Variants in PEX11G observed in about 807,000 individuals in gnomAD.
PEX11G encodes the protein peroxisomal membrane protein 11C.
Under a neutral mutation model 22.5 loss-of-function variants are expected in PEX11G, and 20 were observed. The ratio of observed to expected loss-of-function variants is 0.89; its 90% CI spans 0.62 to 1.29. The LOEUF (loss-of-function observed/expected upper bound fraction) is 1.29, where lower values mean the gene tolerates loss of function less well. PEX11G is among the 50% of genes most tolerant of loss of function. The probability of loss-of-function intolerance (pLI) is 0.00; values close to 1 mark genes in which losing one functional copy is unlikely to be tolerated. For synonymous variants in PEX11G, 141 were observed against 154.5 expected (o/e 0.91, Z 0.65); for missense variants, 347 against 331.3 (o/e 1.05, Z -0.37).
intron 2 of PEX11G, among the ~76,000 whole-genome samples, chr19:7,484,007 C>T (rs561999702): frequency 6.6e-6 from 1 of 152,284 alleles, no homozygotes; most frequent in African/African-American, 2.4e-5. Flanking sequence ...AAATCCGAAG[C>T]TGCATAGCAG....
upstream of PEX11G, among the ~76,000 whole-genome samples, chr19:7,490,235 TTATATAAGC>T (rs202075729): frequency 0.013 from 1,915 of 152,170 alleles, 36 homozygotes; most frequent in African/African-American, 0.043. Context: ...TAAGCAGGAG[TTATATAAGC>T]TATATAAGCC....
At position 7,488,948 on chromosome 19, in the gene PEX11G, C is replaced by T; in HGVS notation, c.60+3G>A. ...CTCCGGCCCCGGTCCGCCCCTGCCT[C>T]ACCAGGCGGTCCCGGCCCCTGTACG... On this transcript the variant is annotated splice_donor_region_variant and intron_variant, in intron 1 of 4. Coordinates refer to ENST00000221480, the MANE Select transcript of PEX11G (RefSeq NM_080662.4). 8 of 1,552,166 alleles carry T rather than the reference C, an allele frequency of 5.2e-6. No homozygotes were observed. The highest frequency in any genetic ancestry group is 5.2e-6 in the Non-Finnish European group (6 of 1,149,358).
chr19:7,491,026 C>T (rs1036636916), upstream of PEX11G: 3 of 151,786 alleles, frequency 2.0e-5, no homozygotes, highest in African/African-American at 7.3e-5. Context: ...AAGCAATCTT[C>T]CCACGTCGAC....
At chr19:7,491,968 G>T (rs780073550), upstream of PEX11G, among the ~76,000 whole-genome samples, 3 of 152,140 alleles carry the variant, frequency 2.0e-5, no homozygotes, top group Non-Finnish European at 4.4e-5. Context: ...GAGCATAATG[G>T]TGTTGAGGTT....
chr19:7,477,411 C>T lies in PEX11G; in HGVS notation c.517G>A (p.Ala173Thr). 6.7e-7 allele frequency: 1 copy of T among 1,487,934 alleles called. No individual in the cohort carries two copies. Among genetic ancestry groups the T allele is most frequent in the Non-Finnish European group, 8.9e-7 (1 of 1,122,726 alleles). The allele number at this position is 1,487,934 out of a possible 1,614,324, so 92.2% of individuals were successfully genotyped here. Residue 173 changes from alanine to threonine, a missense_variant, in exon 5 of 5, where the codon GCC becomes ACC. Coordinates refer to ENST00000221480, the MANE Select transcript of PEX11G (RefSeq NM_080662.4). ...TCCGACTGCATCTGCGCCTCCATGG[C>T]CCTCCGCTTGCCCCGGGGCAGCGGG... ...TSPLPRGKRR[A>T]MEAQMQSEAL...
upstream of PEX11G, among the ~76,000 whole-genome samples, chr19:7,492,808 T>A (rs2021913600): frequency 6.6e-6 from 1 of 152,232 alleles, no homozygotes; most frequent in South Asian, 2.1e-4. Context: ...ACTCTTCTCC[T>A]GCATTGCTTT....
intron 2 of PEX11G, among the ~76,000 whole-genome samples, chr19:7,482,429 G>A (rs1977540518): frequency 6.6e-6 from 1 of 152,220 alleles, no homozygotes; most frequent in African/African-American, 2.4e-5. Context: ...GCCCCTTGGA[G>A]GGAGGCTCTC....
In PEX11G at chr19:7,481,954, T is replaced by C. The variant is rs1977506307; in HGVS notation, c.428+79A>G. On this transcript the variant is annotated intron_variant, in intron 3 of 4. Transcript: ENST00000221480. ...CCACCGCAGTCTGAAGCCTGTGCTG[T>C]TGCTGGGGCCGCTGCCACTTTGCTA... 5.8e-6 allele frequency: 8 copies of C among 1,387,994 alleles called. No individual in the cohort carries two copies. In the Admixed American group the frequency reaches 2.2e-4, roughly 38 times the overall value. 86.0% of individuals were successfully genotyped at this position (1,387,994 alleles called of 1,614,324 possible).
intron 4 of PEX11G, among the ~76,000 whole-genome samples, 185 bp downstream of exon 4, chr19:7,478,129 G>T (rs145154046): frequency 6.6e-6 from 1 of 152,214 alleles, no homozygotes; most frequent in African/African-American, 2.4e-5. Flanking sequence ...TGGAGTCCCC[G>T]CTCAAGCAAG....
Position 7,478,387 on chromosome 19 carries a change from A to C in PEX11G, c.429-11T>G. 1 of 1,606,034 alleles carries C rather than the reference A, an allele frequency of 6.2e-7. No individual in the cohort carries two copies. The highest frequency in any genetic ancestry group is 1.1e-5 in the South Asian group (1 of 89,482). ...AGCATCCACAGGGACCTGCAGCACCAGAGCCCGAGGGAGGATGCCCCGGCG... is the reference window on the plus strand; with the variant it reads ...AGCATCCACAGGGACCTGCAGCACCCGAGCCCGAGGGAGGATGCCCCGGCG... On this transcript the variant is annotated splice_polypyrimidine_tract_variant and intron_variant, in intron 3 of 4. Coordinates refer to ENST00000221480, the MANE Select transcript of PEX11G (RefSeq NM_080662.4).
chr19:7,490,529 C>T (rs576645386), upstream of PEX11G, among the ~76,000 whole-genome samples: 72 of 135,602 alleles, frequency 5.3e-4, no homozygotes, highest in African/African-American at 1.9e-3. Context: ...TTAGTAGAGA[C>T]GGGGTTTCAC....
upstream of PEX11G, among the ~76,000 whole-genome samples, chr19:7,492,025 T>C (rs2021898887): frequency 6.6e-6 from 1 of 152,200 alleles, no homozygotes. Context: ...CTTGCAGCTA[T>C]ATAACATTGC....
At chr19:7,493,545 C>A (rs997109743), upstream of PEX11G, among the ~76,000 whole-genome samples, 2 of 151,900 alleles carry the variant, frequency 1.3e-5, no homozygotes, top group Non-Finnish European at 2.9e-5. Context: ...CGCTCTGTTG[C>A]CCAGGCTGGA....
At chr19:7,485,154 C>G (rs1170836671) in intron 2 of PEX11G, among the ~76,000 whole-genome samples, 3 of 146,810 alleles carry the variant, frequency 2.0e-5, no homozygotes, top group Non-Finnish European at 4.4e-5. Context: ...AAGACCCTGT[C>G]TATAAAAAAA....
intron 3 of PEX11G, among the ~76,000 whole-genome samples, chr19:7,480,420 C>G (rs1184980398): frequency 6.6e-6 from 1 of 152,136 alleles, no homozygotes; most frequent in Non-Finnish European, 1.5e-5. Context: ...CAGGCACCCT[C>G]CCCCAGGTCT....
intron 2 of PEX11G, among the ~76,000 whole-genome samples, chr19:7,484,403 G>GA (rs2021544416): frequency 6.6e-6 from 1 of 151,764 alleles, no homozygotes; most frequent in South Asian, 2.1e-4. Context: ...ACCGTTAAGT[G>GA]AAAAAAGCAC....
rs376817072 is a variant in PEX11G at position 7,482,164 on chromosome 19, A to G, written c.297T>C (p.Ala99=). ...VRCVSVLGNL[A]DQLYYPCEHV... ...GCTCACAGGGGTAGTAGAGCTGGTC[A>G]GCCAGGTTCCCTAGGACGGAGACAC... Residue 99 remains alanine, a synonymous_variant, in exon 3 of 5, where the codon GCT becomes GCC. Transcript: ENST00000221480. The G allele has an allele frequency of 7.4e-5, 117 of 1,588,266 alleles. No individual in the cohort carries two copies. In the African/African-American group the frequency reaches 7.4e-4, roughly 10 times the overall value.
upstream of PEX11G, chr19:7,489,449 A>G: frequency 1.0e-6 from 1 of 996,068 alleles, no homozygotes; most frequent in Non-Finnish European, 1.2e-6. Flanking sequence ...GACTGCTGTA[A>G]TATCACAACA....
intron 2 of PEX11G, 122 bp from the exon 3 acceptor site, chr19:7,482,333 C>A (rs1977535225): frequency 1.8e-6 from 2 of 1,138,766 alleles, no homozygotes; most frequent in Non-Finnish European, 2.4e-6. Context: ...CGTGTCCAGG[C>A]CTGGCAGGCC....
Sources: allele counts gnomAD v4.1 joint callset (sites outside exome capture counted in the v4.1 genomes callset), GRCh38; gene constraint gnomAD v4.1.1; transcripts MANE v1.5; gene names NCBI Gene and HGNC (gene_info 2026-07-23, HGNC 2026-07-21).